The following FSTL5 variants were observed in gnomAD, a reference collection of about 807,000 sequenced individuals.
FSTL5 encodes the protein follistatin like 5, also known as follistatin-related protein 5.
A neutral mutation model predicts 89.1 loss-of-function variants in FSTL5; 62 were observed. The ratio of observed to expected loss-of-function variants is 0.70; its 90% CI spans 0.57 to 0.86. The LOEUF (loss-of-function observed/expected upper bound fraction) is 0.86, where lower values mean the gene tolerates loss of function less well. Ranked by LOEUF, FSTL5 falls within the 40% of genes least tolerant of loss-of-function variation. The pLI, the probability that FSTL5 is intolerant of heterozygous loss-of-function variation, is 0.00. For missense variants in FSTL5, 1,057 were observed against 1,001.6 expected, an observed-to-expected ratio of 1.06 and a Z score of -0.75; for synonymous variants, 383 against 346.2, an observed-to-expected ratio of 1.11 and a Z score of -1.18.
At chr4:161,469,267 A>G (rs774445925) in intron 13 of FSTL5, among the ~76,000 whole-genome samples, 2 of 152,194 alleles carry the variant, frequency 1.3e-5, no homozygotes, top group Non-Finnish European at 2.9e-5. Context: ...TTCCCTTGTA[A>G]GGCTGTATAA....
chr4:161,583,988 C>T (rs1436335037), intron 8 of FSTL5, among the ~76,000 whole-genome samples: 2 of 152,072 alleles, frequency 1.3e-5, no homozygotes, highest in Admixed American at 6.6e-5. Context: ...CCTAACTATT[C>T]CCCTACTTAC....
chr4:161,992,441 A>C (rs1376905753), intron 3 of FSTL5, among the ~76,000 whole-genome samples: 1 of 152,164 alleles, frequency 6.6e-6, no homozygotes, highest in African/African-American at 2.4e-5. Flanking sequence ...GCTGATTACA[A>C]GAATTAACTG....
intron 1 of FSTL5, among the ~76,000 whole-genome samples, chr4:162,148,265 C>T (rs1388303336): frequency 6.6e-6 from 1 of 152,090 alleles, no homozygotes; most frequent in African/African-American, 2.4e-5. Context: ...CAAATCTTCC[C>T]TCTGAATATC....
intron 1 of FSTL5, among the ~76,000 whole-genome samples, chr4:162,125,125 G>A (rs1000350332): frequency 2.6e-4 from 39 of 152,136 alleles, no homozygotes; most frequent in African/African-American, 7.2e-4. Context: ...AAGCAAGTAG[G>A]GCCGTTAGCC....
At chr4:161,581,139 G>T (rs1733423870) in intron 8 of FSTL5, among the ~76,000 whole-genome samples, 2 of 152,164 alleles carry the variant, frequency 1.3e-5, no homozygotes, top group South Asian at 4.1e-4. Context: ...ATCTTTTTAG[G>T]AGGGAAACTG....
intron 5 of FSTL5, among the ~76,000 whole-genome samples, chr4:161,772,074 T>G (rs1372536891): frequency 6.6e-6 from 1 of 152,122 alleles, no homozygotes; most frequent in South Asian, 2.1e-4. Flanking sequence ...TTTTTTTATG[T>G]CTTTTTTTTC....
intron 13 of FSTL5, among the ~76,000 whole-genome samples, chr4:161,462,163 T>G (rs1733605389): frequency 6.6e-6 from 1 of 152,198 alleles, no homozygotes; most frequent in African/African-American, 2.4e-5. Context: ...AGAATCAGTC[T>G]TGTTGGAGGT....
intron 6 of FSTL5, among the ~76,000 whole-genome samples, chr4:161,756,612 T>C (rs1339597106): frequency 6.6e-6 from 1 of 152,154 alleles, no homozygotes; most frequent in Non-Finnish European, 1.5e-5. Context: ...TGCACTGATG[T>C]ACCTTGTTTT....
chr4:161,828,159 T>A (rs981364580), intron 4 of FSTL5, among the ~76,000 whole-genome samples: 2 of 152,200 alleles, frequency 1.3e-5, no homozygotes, highest in East Asian at 3.9e-4. Flanking sequence ...TCACTATATT[T>A]TGCTTGGCTC....
At chr4:161,827,049 C>A (rs1489063349) in intron 4 of FSTL5, among the ~76,000 whole-genome samples, 1 of 152,030 alleles carries the variant, frequency 6.6e-6, no homozygotes, top group Non-Finnish European at 1.5e-5. Flanking sequence ...AGAGTTAGAG[C>A]TCCTTTTAGC....
In FSTL5 at chr4:161,394,338, C is replaced by T. The variant is rs563537013; in HGVS notation, c.1842-7889G>A. Among the ~76,000 whole-genome samples, 3 of 152,222 alleles carry T rather than the reference C, an allele frequency of 2.0e-5. No individual in the cohort carries two copies. In the East Asian group the frequency reaches 5.8e-4, roughly 30 times the overall value. Reference sequence around the variant, plus strand: ...TAGCCCAGGCTGAAGTGCAGTGGCACAATCTTGGCTTACTGCAACCTCCAC... The same window carrying T: ...TAGCCCAGGCTGAAGTGCAGTGGCATAATCTTGGCTTACTGCAACCTCCAC... On this transcript the variant is annotated intron_variant, in intron 15 of 15. Coordinates refer to ENST00000306100, the MANE Select transcript of FSTL5 (RefSeq NM_020116.5).
chr4:161,896,989 G>A (rs531363544), intron 4 of FSTL5, among the ~76,000 whole-genome samples: 1 of 152,164 alleles, frequency 6.6e-6, no homozygotes, highest in African/African-American at 2.4e-5. Context: ...CTGGAATGCA[G>A]TGGCACAATC....
chr4:162,104,410 C>G (rs2111391366), intron 2 of FSTL5, among the ~76,000 whole-genome samples: 1 of 152,280 alleles, frequency 6.6e-6, no homozygotes, highest in South Asian at 2.1e-4. Context: ...AAGCCTCCGG[C>G]TACCATCTTG....
chr4:162,070,774 A>T (rs1729587184), intron 2 of FSTL5, among the ~76,000 whole-genome samples: 2 of 151,766 alleles, frequency 1.3e-5, no homozygotes, highest in Non-Finnish European at 2.9e-5. Flanking sequence ...AAAAGAAAAG[A>T]ACCTGCTAGC....
chr4:161,521,481 C>T (rs1731018642), intron 10 of FSTL5, among the ~76,000 whole-genome samples: 1 of 151,974 alleles, frequency 6.6e-6, no homozygotes, highest in African/African-American at 2.4e-5. Flanking sequence ...GTTTGAGAAC[C>T]ACAATTTTTC....
At chr4:161,897,507 G>A (rs765197046) in intron 4 of FSTL5, among the ~76,000 whole-genome samples, 3 of 149,930 alleles carry the variant, frequency 2.0e-5, no homozygotes, top group Non-Finnish European at 4.4e-5. Context: ...CCTGGGAGGC[G>A]GAGGTCACGG....
rs571012497 is a variant in FSTL5, at chr4:162,086,205, C to G, written c.126+25066G>C. 2.1e-3 allele frequency among the ~76,000 whole-genome samples: 317 copies of G among 151,930 alleles called. 2 individuals are homozygous for G. The highest frequency in any genetic ancestry group is 7.2e-3 in the African/African-American group (300 of 41,486). Reference sequence around the variant, plus strand: ...AGGCTAAATCCAAAATTTCTGTAACCTAGATTAGAAAAAATACACTCTCTG... The same window carrying G: ...AGGCTAAATCCAAAATTTCTGTAACGTAGATTAGAAAAAATACACTCTCTG... On this transcript the variant is annotated intron_variant, in intron 2 of 15. Coordinates refer to ENST00000306100, the MANE Select transcript of FSTL5 (RefSeq NM_020116.5).
intron 4 of FSTL5, among the ~76,000 whole-genome samples, chr4:161,899,463 GCTGA>G (rs1034862278): frequency 3.3e-5 from 5 of 152,158 alleles, no homozygotes; most frequent in Non-Finnish European, 2.9e-5. Context: ...ATCTCAGTCT[GCTGA>G]CTAATACATT....
chr4:162,081,640 T>C (rs1057122977), intron 2 of FSTL5, among the ~76,000 whole-genome samples: 3 of 151,604 alleles, frequency 2.0e-5, no homozygotes, highest in Non-Finnish European at 3.0e-5. Context: ...TTGCAAAAAG[T>C]ATTCCAGTTA....
Sources: gnomAD v4.1 joint callset for allele counts (sites outside exome capture counted in the v4.1 genomes callset) on GRCh38, gnomAD v4.1.1 for gene constraint, MANE v1.5 for transcripts, NCBI Gene and HGNC (gene_info 2026-07-23, HGNC 2026-07-21) for gene names.